Variants in MEIS2 observed in about 807,000 individuals in gnomAD.
The protein encoded by MEIS2 is homeobox protein Meis2.
MEIS2 carries 9 observed loss-of-function variants against 58.6 expected under a neutral mutation model. That is an observed-to-expected ratio of 0.15 (90% confidence interval 0.09 to 0.27). The LOEUF is 0.27. MEIS2 is among the 10% of genes least tolerant of loss of function. MEIS2 has a pLI of 1.00. For missense variants in MEIS2, 427 were observed against 635.0 expected (o/e 0.67, Z 3.52); for synonymous variants, 221 against 228.4 (o/e 0.97, Z 0.29).
chr15:36,983,306 T>A (rs547429950), intron 8 of MEIS2, among the ~76,000 whole-genome samples: 4 of 152,160 alleles, frequency 2.6e-5, no homozygotes, highest in African/African-American at 9.7e-5. Flanking sequence ...ATTTAATTCA[T>A]TTTTAGCTGC....
At chr15:36,940,372 A>G (rs921600866) in intron 9 of MEIS2, among the ~76,000 whole-genome samples, 3 of 152,128 alleles carry the variant, frequency 2.0e-5, no homozygotes, top group Non-Finnish European at 4.4e-5. Flanking sequence ...TGAAATTTGT[A>G]ATGTGTAGAA....
intron 9 of MEIS2, among the ~76,000 whole-genome samples, chr15:36,943,417 A>G (rs566514383): frequency 3.9e-4 from 60 of 152,276 alleles, no homozygotes; most frequent in African/African-American, 1.3e-3. Context: ...AGAGAGGAGG[A>G]TAATTCTAAA....
chr15:36,965,952 A>C (rs1029589633), intron 8 of MEIS2, among the ~76,000 whole-genome samples: 2 of 152,254 alleles, frequency 1.3e-5, no homozygotes, highest in Non-Finnish European at 2.9e-5. Flanking sequence ...AAAAAAGATT[A>C]AGAGACAAAG....
At chr15:36,928,161 G>T (rs1186684221) in intron 9 of MEIS2, among the ~76,000 whole-genome samples, 1 of 152,122 alleles carries the variant, frequency 6.6e-6, no homozygotes, top group Non-Finnish European at 1.5e-5. Flanking sequence ...ATAGTAAGAT[G>T]AACTATTTGC....
At chr15:37,034,926 T>G (rs1595976308) in intron 8 of MEIS2, among the ~76,000 whole-genome samples, 1 of 152,202 alleles carries the variant, frequency 6.6e-6, no homozygotes, top group South Asian at 2.1e-4. Context: ...CTTCCCTTTT[T>G]GGGTCTCTGT....
chr15:37,002,500 C>T lies in MEIS2; in HGVS notation c.900+34314G>A, dbSNP rs182070912. ...CTTGAGGGCAGGCTGGGTTCTGACT[C>T]ATCTTTGCATCCTCCTTTCACTTAG... On this transcript the variant is annotated intron_variant, in intron 8 of 11. Transcript: ENST00000561208. 2.1e-3 allele frequency among the ~76,000 whole-genome samples: 326 copies of T among 152,270 alleles called. 1 individual carries two copies. Among genetic ancestry groups the T allele is most frequent in the Non-Finnish European group, 2.2e-3 (150 of 68,034 alleles).
At chr15:36,904,208 T>C (rs1266293902) in intron 9 of MEIS2, 3 of 152,222 alleles carry the variant, frequency 2.0e-5, no homozygotes, top group Admixed American at 1.3e-4. Context: ...AAAAGTGCCG[T>C]TCCCAGCAAC....
chr15:36,997,089 G>T (rs139268019), intron 8 of MEIS2, among the ~76,000 whole-genome samples: 5 of 152,144 alleles, frequency 3.3e-5, no homozygotes, highest in African/African-American at 1.2e-4. Flanking sequence ...TTTAGAAGTC[G>T]GGAAATATAG....
chr15:37,013,848 T>G (rs1230242703), intron 8 of MEIS2, among the ~76,000 whole-genome samples: 1 of 152,136 alleles, frequency 6.6e-6, no homozygotes, highest in East Asian at 1.9e-4. Flanking sequence ...GGGACTGATA[T>G]TCCTGGCTTA....
intron 9 of MEIS2, 105 bp downstream of exon 9, chr15:36,950,219 C>T: frequency 9.8e-7 from 1 of 1,020,974 alleles, no homozygotes; most frequent in South Asian, 1.6e-5. Context: ...AAGTTATCCT[C>T]CTCGATTTCA....
At chr15:36,904,347 T>A (rs1332048717) in intron 9 of MEIS2, among the ~76,000 whole-genome samples, 3 of 151,310 alleles carry the variant, frequency 2.0e-5, no homozygotes, top group Non-Finnish European at 4.4e-5. Flanking sequence ...ATGCAGTAGT[T>A]ATTGTTTAAT....
intron 7 of MEIS2, among the ~76,000 whole-genome samples, chr15:37,058,248 G>A (rs1888713866): frequency 1.3e-5 from 2 of 152,290 alleles, no homozygotes; most frequent in South Asian, 4.2e-4. Context: ...AGCTGGTAGG[G>A]AGAACAACTG....
intron 8 of MEIS2, among the ~76,000 whole-genome samples, chr15:36,954,187 C>T (rs908872858): frequency 2.6e-5 from 4 of 151,816 alleles, no homozygotes; most frequent in Non-Finnish European, 5.9e-5. Flanking sequence ...GTGAGGTTCT[C>T]ATGAAAAGGT....
chr15:36,890,754 C>T lies in MEIS2; in HGVS notation c.*1419G>A, dbSNP rs1225566728. On this transcript the variant is annotated 3_prime_UTR_variant, in exon 12 of 12. Transcript: ENST00000561208. ...TTATCTGAAAGTATATATTTTTTAA[C>T]GTCATGCATCTAAAAAGGAGGTTGA... 2 of 152,120 alleles carry T rather than the reference C, an allele frequency of 1.3e-5. No homozygotes were observed. Among genetic ancestry groups the T allele is most frequent in the Admixed American group, 6.5e-5 (1 of 15,278 alleles). The allele number at this position is 152,120 out of a possible 1,614,324, so 9.4% of individuals were successfully genotyped here. A position where few individuals can be genotyped will look rare whatever the true frequency, so the allele number is the denominator to read the frequency against.
At chr15:36,916,197 G>A (rs2057271197) in intron 9 of MEIS2, among the ~76,000 whole-genome samples, 1 of 151,816 alleles carries the variant, frequency 6.6e-6, no homozygotes, top group Non-Finnish European at 1.5e-5. Flanking sequence ...GAAGGCAAAG[G>A]TGTGTGGATC....
intron 8 of MEIS2, among the ~76,000 whole-genome samples, chr15:37,015,116 G>A (rs189361419): frequency 5.8e-4 from 88 of 152,318 alleles, no homozygotes; most frequent in African/African-American, 1.8e-3. Context: ...ATGCCATGTC[G>A]GAGGCAGTAT....
intron 9 of MEIS2, 69 bp downstream of exon 9, chr15:36,950,255 A>T: frequency 1.4e-5 from 17 of 1,247,500 alleles, no homozygotes; most frequent in Non-Finnish European, 1.6e-5. Flanking sequence ...AAAAAAAAAG[A>T]GAGAAAACCA....
At chr15:37,000,969 T>C (rs2060705545) in intron 8 of MEIS2, among the ~76,000 whole-genome samples, 1 of 152,178 alleles carries the variant, frequency 6.6e-6, no homozygotes. Context: ...CCACTGAGAC[T>C]CTACAGACCG....
At chr15:36,943,975 A>G (rs2080540822) in intron 9 of MEIS2, among the ~76,000 whole-genome samples, 1 of 152,024 alleles carries the variant, frequency 6.6e-6, no homozygotes, top group Non-Finnish European at 1.5e-5. Flanking sequence ...TCCCATCTCT[A>G]CAAGATAGAA....
Sources: allele counts gnomAD v4.1 joint callset (sites outside exome capture counted in the v4.1 genomes callset), GRCh38; gene constraint gnomAD v4.1.1; transcripts MANE v1.5; gene names NCBI Gene and HGNC (gene_info 2026-07-23, HGNC 2026-07-21).